Variants in NUDCD3 observed in about 807,000 individuals in gnomAD.
NUDCD3 encodes NudC domain containing 3, also known as nudC domain-containing protein 3.
In NUDCD3, 13 loss-of-function variants were observed where a neutral mutation model predicts 39.7. The ratio of observed to expected loss-of-function variants is 0.33; its 90% CI spans 0.21 to 0.52. The LOEUF (loss-of-function observed/expected upper bound fraction) is 0.52, where lower values mean the gene tolerates loss of function less well. Ranked by LOEUF, NUDCD3 falls within the 20% of genes least tolerant of loss-of-function variation. The probability of loss-of-function intolerance (pLI) is 0.96; values close to 1 mark genes in which losing one functional copy is unlikely to be tolerated. For missense variants in NUDCD3, 453 were observed against 458.1 expected (o/e 0.99, Z 0.10); for synonymous variants, 175 against 172.4 (o/e 1.02, Z -0.12).
rs920611955 is a variant in NUDCD3, at chr7:44,393,559, G to A, written c.787-1074C>T. 2.6e-5 allele frequency among the ~76,000 whole-genome samples: 4 copies of A among 152,322 alleles called. No homozygotes were observed. In the East Asian group the frequency reaches 7.7e-4, roughly 29 times the overall value. ...AAATTCTTACCAGAGTGGCCAAGAA[G>A]CAACAGAGTGGGTTTGTCTACTTTG... On this transcript the variant is annotated intron_variant, in intron 4 of 5. Coordinates refer to ENST00000355451, the MANE Select transcript of NUDCD3 (RefSeq NM_015332.4).
chr7:44,450,515 T>G (rs1398221177), intron 2 of NUDCD3, among the ~76,000 whole-genome samples: 1 of 151,902 alleles, frequency 6.6e-6, no homozygotes, highest in Non-Finnish European at 1.5e-5. Flanking sequence ...ATGCTGGCCA[T>G]GCATACTGGC....
intron 2 of NUDCD3, among the ~76,000 whole-genome samples, chr7:44,447,498 C>T (rs1012984496): frequency 6.6e-6 from 1 of 152,184 alleles, no homozygotes; most frequent in African/African-American, 2.4e-5. Context: ...AGGCTTCACG[C>T]AGCATCCAGC....
At chr7:44,403,814 A>T (rs1563166563) in intron 4 of NUDCD3, among the ~76,000 whole-genome samples, 1 of 152,198 alleles carries the variant, frequency 6.6e-6, no homozygotes. Flanking sequence ...CCCCAGTAGG[A>T]GAAAAAAAGG....
intron 2 of NUDCD3, among the ~76,000 whole-genome samples, 193 bp from the exon 3 acceptor site, chr7:44,427,896 C>G (rs371200814): frequency 7.4e-4 from 112 of 152,068 alleles, no homozygotes; most frequent in African/African-American, 2.5e-3. Context: ...CTACATGGTA[C>G]CCATGGAAAT....
chr7:44,441,221 A>G (rs1799578238), intron 2 of NUDCD3, among the ~76,000 whole-genome samples: 1 of 152,226 alleles, frequency 6.6e-6, no homozygotes, highest in African/African-American at 2.4e-5. Flanking sequence ...CTTTCCAAAA[A>G]TAACAAGACG....
At chr7:44,427,428 T>C (rs1748364244) in intron 3 of NUDCD3, 143 bp downstream of exon 3, 1 of 879,016 alleles carries the variant, frequency 1.1e-6, no homozygotes, top group African/African-American at 1.7e-5. Flanking sequence ...TGTGCTCAGC[T>C]CATTCCGAGG....
At chr7:44,404,626 A>G (rs527880083) in intron 3 of NUDCD3, 43 bp from the exon 4 acceptor site, 105 of 1,604,582 alleles carry the variant, frequency 6.5e-5, no homozygotes, top group Non-Finnish European at 8.2e-5. Flanking sequence ...TATCAGGGTG[A>G]CCACTGGTGT....
chr7:44,402,134 G>A (rs1374279254), intron 4 of NUDCD3, among the ~76,000 whole-genome samples: 7 of 152,192 alleles, frequency 4.6e-5, no homozygotes, highest in Non-Finnish European at 1.5e-5. Flanking sequence ...CTGGGACAAG[G>A]CAGGCATGGG....
At chr7:44,445,899 A>G (rs1396334636) in intron 2 of NUDCD3, among the ~76,000 whole-genome samples, 1 of 152,258 alleles carries the variant, frequency 6.6e-6, no homozygotes, top group Non-Finnish European at 1.5e-5. Flanking sequence ...CAGACTCTGG[A>G]GTCAAAAATC....
chr7:44,421,486 GCAAAAAAAA>G (rs1799139161), intron 3 of NUDCD3, among the ~76,000 whole-genome samples: 1 of 36,258 alleles, frequency 2.8e-5, no homozygotes, highest in Non-Finnish European at 5.3e-5. Context: ...CAAATGGAAA[GCAAAAAAAA>G]AAAAAAAAAG....
At chr7:44,420,070 C>T (rs926004535) in intron 3 of NUDCD3, among the ~76,000 whole-genome samples, 1 of 151,968 alleles carries the variant, frequency 6.6e-6, no homozygotes, top group Non-Finnish European at 1.5e-5. Context: ...GGAGTATGTT[C>T]TAACCCAATG....
intron 2 of NUDCD3, among the ~76,000 whole-genome samples, chr7:44,467,459 G>C (rs1264729875): frequency 6.6e-6 from 1 of 152,170 alleles, no homozygotes; most frequent in Non-Finnish European, 1.5e-5. Context: ...AGGTTCCTCT[G>C]CATCAGCCAG....
chr7:44,398,822 G>A (rs1222496360), intron 4 of NUDCD3, among the ~76,000 whole-genome samples: 1 of 152,196 alleles, frequency 6.6e-6, no homozygotes, highest in African/African-American at 2.4e-5. Flanking sequence ...ATAACGGGGT[G>A]AGACGACAGC....
intron 2 of NUDCD3, among the ~76,000 whole-genome samples, chr7:44,435,465 C>T (rs1338326508): frequency 3.9e-5 from 6 of 152,154 alleles, no homozygotes; most frequent in Admixed American, 1.3e-4. Flanking sequence ...GACTGAAGCA[C>T]GTAGCATATG....
chr7:44,421,229 G>A lies in NUDCD3; in HGVS notation c.642+6342C>T, dbSNP rs1467319539. Among the ~76,000 whole-genome samples the A allele has an allele frequency of 2.6e-5, 4 of 151,648 alleles. No homozygotes were observed. The East Asian group carries it at 5.8e-4, about 22-fold the overall frequency. ...TGCACCTGTAGTCCCAGCTACATGG[G>A]AGGCTGAGGCAGGAGAATCACTTGA... is the stretch of plus-strand genomic sequence containing the variant. On this transcript the variant is annotated intron_variant, in intron 3 of 5. Transcript: ENST00000355451.
At chr7:44,445,070 C>T (rs1563179386) in intron 2 of NUDCD3, among the ~76,000 whole-genome samples, 1 of 152,238 alleles carries the variant, frequency 6.6e-6, no homozygotes, top group African/African-American at 2.4e-5. Flanking sequence ...CTCTGCTCCA[C>T]CTCCACCTGT....
At position 44,380,578 on chromosome 7, in the gene NUDCD3, G is replaced by A. The variant is rs1798289384; in HGVS notation, c.*5433C>T. ...CTCTTCCCTAAGGGTCACTGCCTTG[G>A]GATTTGCCTGCAGGCTAGGCACACC... On this transcript the variant is annotated 3_prime_UTR_variant, in exon 6 of 6. Transcript: ENST00000355451. The A allele has an allele frequency of 3.3e-5, 5 of 152,320 alleles. No homozygotes were observed. Among genetic ancestry groups the A allele is most frequent in the Admixed American group, 2.6e-4 (4 of 15,284 alleles). 9.4% of individuals were successfully genotyped at this position (152,320 alleles called of 1,614,324 possible).
At chr7:44,450,758 G>T (rs1201133043) in intron 2 of NUDCD3, among the ~76,000 whole-genome samples, 3 of 152,100 alleles carry the variant, frequency 2.0e-5, no homozygotes, top group African/African-American at 4.8e-5. Context: ...CTGACATATG[G>T]AATAGCTATT....
At chr7:44,468,377 A>G in intron 2 of NUDCD3, 1 of 1,182,916 alleles carries the variant, frequency 8.5e-7, no homozygotes. Flanking sequence ...AAAAGAAAAG[A>G]AAACTAAGGC....
Sources: gnomAD v4.1 joint callset for allele counts (sites outside exome capture counted in the v4.1 genomes callset) on GRCh38, gnomAD v4.1.1 for gene constraint, MANE v1.5 for transcripts, NCBI Gene and HGNC (gene_info 2026-07-23, HGNC 2026-07-21) for gene names.